Variants in PCDHGA1 observed in about 807,000 individuals in gnomAD.
The protein encoded by PCDHGA1 is protocadherin gamma subfamily A, 1.
A neutral mutation model predicts 58.0 loss-of-function variants in PCDHGA1; 32 were observed. The observed-to-expected ratio is 0.55, with a 90% CI of 0.42 to 0.74. The LOEUF (loss-of-function observed/expected upper bound fraction) is 0.74, where lower values mean the gene tolerates loss of function less well. Among genes scored for constraint, PCDHGA1 ranks in the 30% least tolerant of loss-of-function variants. The pLI is 0.00. For synonymous variants in PCDHGA1, 498 were observed against 501.1 expected, an observed-to-expected ratio of 0.99 and a Z score of 0.08; for missense variants, 1,205 against 1,182.3, an observed-to-expected ratio of 1.02 and a Z score of -0.28.
intron 1 of PCDHGA1, chr5:141,422,327 T>C (rs1561800795): frequency 1.3e-6 from 2 of 1,548,652 alleles, no homozygotes; most frequent in African/African-American, 2.8e-5. Context: ...GGTACAGTGA[T>C]TGCTCTTCTA....
Position 141,487,176 on chromosome 5 carries a change from A to G in PCDHGA1, c.2422-7631A>G. On this transcript the variant is annotated intron_variant, in intron 1 of 3. Coordinates refer to ENST00000517417, the MANE Select transcript of PCDHGA1 (RefSeq NM_018912.3). The surrounding 1 kb of genome is among the most constrained non-coding windows in gnomAD (Gnocchi z 5.0). ...ACTCTCTTAGTGTCCTTAGAGGAAGACACTCATCCAGTTGTCCCAGATCTT... is the reference window on the plus strand; with the variant it reads ...ACTCTCTTAGTGTCCTTAGAGGAAGGCACTCATCCAGTTGTCCCAGATCTT... 1 of 1,613,774 alleles carries G rather than the reference A, an allele frequency of 6.2e-7. No homozygotes were observed. The highest frequency in any genetic ancestry group is 8.5e-7 in the Non-Finnish European group (1 of 1,179,664).
intron 2 of PCDHGA1, among the ~76,000 whole-genome samples, chr5:141,503,568 C>T (rs1357099545): frequency 6.9e-6 from 1 of 144,390 alleles, no homozygotes; most frequent in Non-Finnish European, 1.5e-5. Context: ...CACTGTACTC[C>T]AGCCTGGGTG....
At chr5:141,338,910 A>C in intron 1 of PCDHGA1, 1 of 1,502,618 alleles carries the variant, frequency 6.7e-7, no homozygotes, top group Non-Finnish European at 8.9e-7. Context: ...CCTGAGGAAT[A>C]AAGATTGGAA....
chr5:141,384,636 C>T (rs760530136), intron 1 of PCDHGA1: 4 of 1,614,202 alleles, frequency 2.5e-6, no homozygotes, highest in South Asian at 1.1e-5. Flanking sequence ...AGCTGGCACC[C>T]CGCTCCGCAG....
chr5:141,375,006 A>G (rs774947515), intron 1 of PCDHGA1: 25 of 1,613,884 alleles, frequency 1.5e-5, no homozygotes, highest in Non-Finnish European at 1.8e-5. Context: ...GCAAATCTAG[A>G]CTATGAGGAC....
At chr5:141,433,381 A>ATCTC (rs1561869478) in intron 1 of PCDHGA1, among the ~76,000 whole-genome samples, 1 of 151,148 alleles carries the variant, frequency 6.6e-6, no homozygotes, top group Admixed American at 6.6e-5. Flanking sequence ...CTATCTATCT[A>ATCTC]TCTATCTATC....
intron 1 of PCDHGA1, among the ~76,000 whole-genome samples, chr5:141,437,983 A>G (rs544812394): frequency 4.6e-5 from 7 of 151,938 alleles, no homozygotes; most frequent in Admixed American, 2.6e-4. Context: ...GGATGCACCC[A>G]CCCCACCTCA....
In PCDHGA1 at chr5:141,375,018, C is replaced by A; in HGVS notation, c.2421+41913C>A. 1.9e-6 allele frequency: 3 copies of A among 1,613,982 alleles called. No individual in the cohort carries two copies. The South Asian group carries it at 3.3e-5, about 18-fold the overall frequency. ...TCTGCAAATCTAGACTATGAGGACTCGAGTTTTTATGAGCTGGGTGTTGAA... is the reference window on the plus strand; with the variant it reads ...TCTGCAAATCTAGACTATGAGGACTAGAGTTTTTATGAGCTGGGTGTTGAA... On this transcript the variant is annotated intron_variant, in intron 1 of 3. Transcript: ENST00000517417.
chr5:141,370,752 A>G (rs1561547929), intron 1 of PCDHGA1: 1 of 1,613,836 alleles, frequency 6.2e-7, no homozygotes, highest in African/African-American at 1.3e-5. Flanking sequence ...TTTTCATGTA[A>G]CTGTGCTGAT....
chr5:141,341,694 G>T, intron 1 of PCDHGA1: 5 of 539,772 alleles, frequency 9.3e-6, no homozygotes, highest in South Asian at 6.1e-5. Flanking sequence ...TCCATCCCTG[G>T]GCAAATCATC....
At chr5:141,375,790 A>G (rs1284123678) in intron 1 of PCDHGA1, 9 of 1,614,216 alleles carry the variant, frequency 5.6e-6, no homozygotes, top group African/African-American at 2.7e-5. Context: ...CCCTCCCCAC[A>G]GACGGTTCCA....
chr5:141,443,104 C>A (rs950011995), intron 1 of PCDHGA1, among the ~76,000 whole-genome samples: 1 of 151,854 alleles, frequency 6.6e-6, no homozygotes, highest in East Asian at 1.9e-4. Flanking sequence ...TCAAGCTGAA[C>A]CTTGCTTTTC....
At chr5:141,350,533 G>C in intron 1 of PCDHGA1, 1 of 1,614,072 alleles carries the variant, frequency 6.2e-7, no homozygotes, top group Non-Finnish European at 8.5e-7. Flanking sequence ...ATCGAGAGAA[G>C]ATTTGCGGAA....
Position 141,331,768 on chromosome 5 carries a change from C to T in PCDHGA1, c.1084C>T (p.Pro362Ser). The T allele has an allele frequency of 6.2e-7, 1 of 1,614,172 alleles. No homozygotes were observed. The highest frequency in any genetic ancestry group is 8.5e-7 in the Non-Finnish European group (1 of 1,180,024). ...CACTGCAGTTCCAGAAAACTTTCCT[C>T]CTGGGACCATAATTGCTCTTATCAG... ...VTTAVPENFP[P>S]GTIIALISVH... The change falls in exon 1 of 4, where the codon CCT becomes TCT. Residue 362 changes from proline (P) to serine (S), a missense_variant. Coordinates refer to ENST00000517417, the MANE Select transcript of PCDHGA1 (RefSeq NM_018912.3).
chr5:141,426,364 G>C (rs918838005), intron 1 of PCDHGA1: 1 of 202,328 alleles, frequency 4.9e-6, no homozygotes, highest in Non-Finnish European at 1.0e-5. Flanking sequence ...TTTGTTCTGC[G>C]GGGCACCCTC....
At chr5:141,394,536 G>T in intron 1 of PCDHGA1, 2 of 1,614,188 alleles carry the variant, frequency 1.2e-6, no homozygotes, top group Non-Finnish European at 1.7e-6. Flanking sequence ...TTCCACTGGC[G>T]TGGAGCTGGC....
intron 1 of PCDHGA1, chr5:141,492,073 G>C (rs2099736846): frequency 6.2e-6 from 3 of 480,898 alleles, no homozygotes; most frequent in Non-Finnish European, 1.1e-5. Flanking sequence ...CCTAGGCGCC[G>C]GCTCCGGCAC....
rs540188136 is a variant in PCDHGA1 at position 141,375,695 on chromosome 5, G to T, written c.2421+42590G>T. Reference sequence around the variant, plus strand: ...GCTGTGGGTGACAGCCAGCGACAGCGGGGACCCGCCTCTTAGCAGCAACGT... The same window carrying T: ...GCTGTGGGTGACAGCCAGCGACAGCTGGGACCCGCCTCTTAGCAGCAACGT... On this transcript the variant is annotated intron_variant, in intron 1 of 3. Coordinates refer to ENST00000517417, the MANE Select transcript of PCDHGA1 (RefSeq NM_018912.3). 1.5e-5 allele frequency: 25 copies of T among 1,614,250 alleles called. No individual in the cohort carries two copies. In the African/African-American group the frequency reaches 2.9e-4, roughly 19 times the overall value.
At chr5:141,354,251 A>G (rs1394196546) in intron 1 of PCDHGA1, among the ~76,000 whole-genome samples, 2 of 152,036 alleles carry the variant, frequency 1.3e-5, no homozygotes, top group East Asian at 1.9e-4. Flanking sequence ...TTATTTACCC[A>G]TTGTTTTAGG....
Sources: gnomAD v4.1 joint callset for allele counts (sites outside exome capture counted in the v4.1 genomes callset) on GRCh38, gnomAD v4.1.1 for gene constraint, Gnocchi (gnomAD v3.1) non-coding constraint, MANE v1.5 for transcripts, NCBI Gene and HGNC (gene_info 2026-07-23, HGNC 2026-07-21) for gene names.